PRAMEF2: variants seen among roughly 807,000 people sequenced by gnomAD.
PRAMEF2 encodes PRAME family member 2.
In PRAMEF2, 35 loss-of-function variants were observed where a neutral mutation model predicts 38.0. That is an observed-to-expected ratio of 0.92 (90% CI 0.70 to 1.22). The LOEUF is 1.22. PRAMEF2 is among the 50% of genes most tolerant of loss of function. PRAMEF2 has a pLI of 0.00. For synonymous variants in PRAMEF2, 240 were observed against 232.4 expected (o/e 1.03, Z -0.30); for missense variants, 562 against 553.9 (o/e 1.01, Z -0.15).
chr1:12,858,231 T>A (rs1030116222), intron 1 of PRAMEF2, among the ~76,000 whole-genome samples: 6 of 150,102 alleles, frequency 4.0e-5, no homozygotes, highest in African/African-American at 1.5e-4. Flanking sequence ...TGACCACACC[T>A]GGCTAATATT....
Position 12,859,389 on chromosome 1 carries a change from G to C in PRAMEF2, c.287+93G>C. The C allele has an allele frequency of 5.7e-6, 9 of 1,591,430 alleles. 1 individual carries two copies. Among genetic ancestry groups the C allele is most frequent in the Non-Finnish European group, 7.7e-6 (9 of 1,168,592 alleles). Reference sequence around the variant, plus strand: ...AGAGAAGTAACCCAAGTGCGGCCCAGAGTCTTCTGATGGTGTTGGCGAGGA... The same window carrying C: ...AGAGAAGTAACCCAAGTGCGGCCCACAGTCTTCTGATGGTGTTGGCGAGGA... On this transcript the variant is annotated intron_variant, in intron 2 of 3. Transcript: ENST00000240189.
At position 12,861,262 on chromosome 1, in the gene PRAMEF2, G is replaced by A; in HGVS notation, c.908G>A (p.Gly303Asp). ...NPLENLELTCGNLLEEDLKCL... is the reference protein window; with the variant it reads ...NPLENLELTCDNLLEEDLKCL... Reference sequence around the variant, plus strand: ...TTGGAGAACTTGGAATTAACTTGTGGCAACCTATTAGAAGAGGACTTGAAG... The same window carrying A: ...TTGGAGAACTTGGAATTAACTTGTGACAACCTATTAGAAGAGGACTTGAAG... Residue 303 changes from glycine to aspartate, a missense_variant, in exon 4 of 4, where the codon GGC (glycine) becomes GAC (aspartate). Physicochemically the swap from Gly to Asp is moderately conservative, Grantham distance 94. This residue lies in a region of PRAMEF2 where 486 missense variants were observed against 444.2 expected (regional missense o/e 1.09). Transcript: ENST00000240189. The A allele has an allele frequency of 3.7e-6, 6 of 1,607,784 alleles. No homozygotes were observed. Among genetic ancestry groups the A allele is most frequent in the Non-Finnish European group, 5.1e-6 (6 of 1,176,928 alleles).
chr1:12,857,342 CATTTTA>C (rs1640466157), intron 1 of PRAMEF2, among the ~76,000 whole-genome samples, 195 bp downstream of exon 1: 1 of 149,574 alleles, frequency 6.7e-6, no homozygotes, highest in Non-Finnish European at 1.5e-5. Flanking sequence ...TGGTTTTTGT[CATTTTA>C]AAATTCTTAT....
rs1181673305 is a variant in PRAMEF2 at position 12,857,706 on chromosome 1, A to AT, written c.-26+569dup. ...GTAGCACTTTTACAGTTTCTGGTTGATTTTTTTTTTGAGATGGAGTTTCCC... is the reference window on the plus strand; with the variant it reads ...GTAGCACTTTTACAGTTTCTGGTTGATTTTTTTTTTTGAGATGGAGTTTCCC... On this transcript the variant is annotated intron_variant, in intron 1 of 3. Coordinates refer to ENST00000240189, the MANE Select transcript of PRAMEF2 (RefSeq NM_023014.1). Among the ~76,000 whole-genome samples the AT allele has an allele frequency of 2.7e-3, 362 of 136,298 alleles. 49 individuals are homozygous for AT. Among genetic ancestry groups the AT allele is most frequent in the African/African-American group, 9.2e-3 (321 of 34,926 alleles). 89.4% of individuals were successfully genotyped at this position (136,298 alleles called of 152,430 possible).
chr1:12,860,056 G>A lies in PRAMEF2; in HGVS notation c.651G>A (p.Trp217Ter), dbSNP rs1413220426. The change falls in exon 3 of 4, where the codon TGG becomes TGA. Residue 217 changes from tryptophan (W) to a stop codon, truncating the protein, a stop_gained. Transcript: ENST00000240189. LOFTEE classifies it high-confidence loss of function. Reference protein sequence around the residue: ...IGELEIHNTCWPHLIRKLYCY... With the variant: ...IGELEIHNTC ...AGCTGGAAATTCACAACACGTGCTGGCCACATCTGATAAGAAAGCTTTATT... is the reference window on the plus strand; with the variant it reads ...AGCTGGAAATTCACAACACGTGCTGACCACATCTGATAAGAAAGCTTTATT... 2 of 1,606,684 alleles carry A rather than the reference G, an allele frequency of 1.2e-6. No homozygotes were observed. Among genetic ancestry groups the A allele is most frequent in the East Asian group, 2.2e-5 (1 of 44,698 alleles).
rs776890040 is a variant in PRAMEF2 at position 12,860,175 on chromosome 1, C to T, written c.770C>T (p.Thr257Ile). 4 of 1,606,840 alleles carry T rather than the reference C, an allele frequency of 2.5e-6. No homozygotes were observed. Among genetic ancestry groups the T allele is most frequent in the Non-Finnish European group, 2.5e-6 (3 of 1,176,594 alleles). ...AATGAACTCGAGGGATGGTTAGTCA[C>T]CAGATTCACCTCTGTGTTCCTCAGG... ...SDNELEGWLV[T>I]RFTSVFLRLE... is the part of the protein sequence containing the mutation. The change falls in exon 3 of 4, where the codon ACC becomes ATC. Residue 257 changes from threonine (T) to isoleucine (I), a missense_variant. By Grantham distance (89) the Thr-to-Ile change is moderately conservative (BLOSUM62 -1). Around this residue, in one of 2 missense-constraint regions of PRAMEF2, gnomAD observed 486 missense variants for 444.2 expected, o/e 1.09. Transcript: ENST00000240189.
Position 12,859,129 on chromosome 1 carries a change from C to A in PRAMEF2, c.120C>A (p.Phe40Leu), listed in dbSNP as rs1301670391. 1 of 1,606,804 alleles carries A rather than the reference C, an allele frequency of 6.2e-7. No homozygotes were observed. The highest frequency in any genetic ancestry group is 1.3e-5 in the African/African-American group (1 of 74,276). ...ELPRVLYLPL[F>L]REAFSRRHFQ... ...CCAGGGTGCTCTATCTCCCACTCTTCAGGGAGGCCTTCAGCAGGAGACACT... is the reference window on the plus strand; with the variant it reads ...CCAGGGTGCTCTATCTCCCACTCTTAAGGGAGGCCTTCAGCAGGAGACACT... The change falls in exon 2 of 4, where the codon TTC becomes TTA. Residue 40 changes from phenylalanine to leucine, a missense_variant. This residue lies in a region of PRAMEF2 where 486 missense variants were observed against 444.2 expected (regional missense o/e 1.09). Coordinates refer to ENST00000240189, the MANE Select transcript of PRAMEF2 (RefSeq NM_023014.1).
At position 12,861,419 on chromosome 1, in the gene PRAMEF2, G is replaced by A. The variant is rs17039302; in HGVS notation, c.1065G>A (p.Val355=). Residue 355 remains valine (V), a synonymous_variant, in exon 4 of 4, where the codon GTG becomes GTA. Coordinates refer to ENST00000240189, the MANE Select transcript of PRAMEF2 (RefSeq NM_023014.1). ...EKIAASLETL[V]LEGCQIHYSQ... ...TTGCTGCCTCTCTCGAGACCCTCGTGTTAGAGGGCTGTCAGATCCACTACT... is the reference window on the plus strand; with the variant it reads ...TTGCTGCCTCTCTCGAGACCCTCGTATTAGAGGGCTGTCAGATCCACTACT... 1.3e-5 allele frequency: 21 copies of A among 1,596,910 alleles called. No individual in the cohort carries two copies. The highest frequency in any genetic ancestry group is 1.7e-5 in the Non-Finnish European group (20 of 1,171,760).
At position 12,860,209 on chromosome 1, in the gene PRAMEF2, C is replaced by A. The variant is rs748471232; in HGVS notation, c.804C>A (p.His268Gln). 4 of 1,606,810 alleles carry A rather than the reference C, an allele frequency of 2.5e-6. 1 individual carries two copies. The highest frequency in any genetic ancestry group is 4.5e-5 in the East Asian group (2 of 44,724). Residue 268 changes from histidine to glutamine, a missense_variant, in exon 3 of 4, where the codon CAC (histidine) becomes CAA (glutamine). His to Gln is a conservative substitution (Grantham distance 24, BLOSUM62 0). This residue lies in a region of PRAMEF2 where 486 missense variants were observed against 444.2 expected (regional missense o/e 1.09). Transcript: ENST00000240189. ...RFTSVFLRLE[H>Q]LQLLKIKLIT... ...CCTCTGTGTTCCTCAGGCTGGAACACCTCCAGTTGCTTAAAATAAAATTGA... is the reference window on the plus strand; with the variant it reads ...CCTCTGTGTTCCTCAGGCTGGAACAACTCCAGTTGCTTAAAATAAAATTGA...
At chr1:12,858,902 A>C in intron 1 of PRAMEF2, 83 bp from the exon 2 acceptor site, 1 of 1,458,242 alleles carries the variant, frequency 6.9e-7, no homozygotes, top group East Asian at 2.3e-5. Context: ...CCTCTACCAG[A>C]GCAATGATAT....
rs1640560887 is a variant in PRAMEF2, at chr1:12,861,832, G to A, written c.*53G>A. 1.9e-6 allele frequency: 3 copies of A among 1,559,852 alleles called. No homozygotes were observed. Among genetic ancestry groups the A allele is most frequent in the Non-Finnish European group, 2.6e-6 (3 of 1,151,934 alleles). On this transcript the variant is annotated 3_prime_UTR_variant, in exon 4 of 4. Coordinates refer to ENST00000240189, the MANE Select transcript of PRAMEF2 (RefSeq NM_023014.1). ...ATCCAAAGTTCTCTTCCAGGCACTT[G>A]GACACTAAAATCTACTATGTAGGTG... is the stretch of plus-strand genomic sequence containing the variant.
intron 1 of PRAMEF2, among the ~76,000 whole-genome samples, chr1:12,858,511 G>C (rs1448878271): frequency 6.7e-6 from 1 of 150,080 alleles, no homozygotes; most frequent in African/African-American, 2.4e-5. Context: ...TCCATTTCTG[G>C]TAGAAAATTT....
At position 12,861,851 on chromosome 1, in the gene PRAMEF2, G is replaced by A. The variant is rs1415419266; in HGVS notation, c.*72G>A. ...GCACTTGGACACTAAAATCTACTAT[G>A]TAGGTGCAAACTATTTTTCTCTTTT... On this transcript the variant is annotated 3_prime_UTR_variant, in exon 4 of 4. Transcript: ENST00000240189. 2 of 1,533,568 alleles carry A rather than the reference G, an allele frequency of 1.3e-6. No individual in the cohort carries two copies. The highest frequency in any genetic ancestry group is 8.8e-7 in the Non-Finnish European group (1 of 1,141,096). 95.0% of individuals were successfully genotyped at this position (1,533,568 alleles called of 1,614,324 possible).
At chr1:12,859,322 G>C (rs762758432) in intron 2 of PRAMEF2, 26 bp downstream of exon 2, 1 of 1,607,436 alleles carries the variant, frequency 6.2e-7, no homozygotes, top group Non-Finnish European at 8.5e-7. Flanking sequence ...AGGGCTAGTA[G>C]ATAGGGCTCA....
intron 3 of PRAMEF2, 95 bp from the exon 4 acceptor site, chr1:12,861,126 T>A: frequency 7.3e-7 from 1 of 1,378,170 alleles, no homozygotes; most frequent in Non-Finnish European, 1.0e-6. Context: ...AACAAACTTG[T>A]GTTTGGTTGA....
rs1201134321 is a variant in PRAMEF2, at chr1:12,859,741, C to A, written c.336C>A (p.Phe112Leu). Residue 112 changes from phenylalanine to leucine, a missense_variant, in exon 3 of 4, where the codon TTC (phenylalanine) becomes TTA (leucine). Around this residue, in one of 2 missense-constraint regions of PRAMEF2, gnomAD observed 486 missense variants for 444.2 expected, o/e 1.09. Coordinates refer to ENST00000240189, the MANE Select transcript of PRAMEF2 (RefSeq NM_023014.1). ...ATTTGCGGGATGTTGATGAGAATTT[C>A]TGGGCCAGATGGCCTGGAGCCTGGG... ...VLDLRDVDENFWARWPGAWAL... is the reference protein window; with the variant it reads ...VLDLRDVDENLWARWPGAWAL... The A allele has an allele frequency of 6.2e-7, 1 of 1,606,214 alleles. No homozygotes were observed. The highest frequency in any genetic ancestry group is 1.3e-5 in the African/African-American group (1 of 74,334).
At chr1:12,860,306 C>A in intron 3 of PRAMEF2, 35 bp downstream of exon 3, 1 of 1,603,648 alleles carries the variant, frequency 6.2e-7, no homozygotes, top group Non-Finnish European at 8.5e-7. Context: ...ATGCAGACCA[C>A]AGCACAGACT....
At chr1:12,860,302 A>C in intron 3 of PRAMEF2, 31 bp downstream of exon 3, 1 of 1,604,242 alleles carries the variant, frequency 6.2e-7, no homozygotes, top group Non-Finnish European at 8.5e-7. Context: ...TTGTATGCAG[A>C]CCACAGCACA....
In PRAMEF2 at chr1:12,859,070, C is replaced by G; in HGVS notation, c.61C>G (p.Gln21Glu). Residue 21 changes from glutamine to glutamate, a missense_variant, in exon 2 of 4, where the codon CAG (glutamine) becomes GAG (glutamate). Physicochemically the swap from Gln to Glu is conservative, Grantham distance 29. This residue lies in a region of PRAMEF2 where 486 missense variants were observed against 444.2 expected (regional missense o/e 1.09). Transcript: ENST00000240189. ...GGCGGGGCAGAGCCTGCTGAGAGAC[C>G]AGGCCTTGTCCATCTCTGCCATGGA... Reference protein sequence around the residue: ...ELAGQSLLRDQALSISAMEEL... With the variant: ...ELAGQSLLRDEALSISAMEEL... The G allele has an allele frequency of 6.2e-7, 1 of 1,604,708 alleles. No individual in the cohort carries two copies. The highest frequency in any genetic ancestry group is 8.5e-7 in the Non-Finnish European group (1 of 1,176,432).
Sources: gnomAD v4.1 joint callset for allele counts (sites outside exome capture counted in the v4.1 genomes callset) on GRCh38, gnomAD v4.1.1 for gene constraint, gnomAD v4.1.1 regional missense constraint, MANE v1.5 for transcripts, NCBI Gene and HGNC (gene_info 2026-07-23, HGNC 2026-07-21) for gene names.